Variants in FKBP5 observed in about 807,000 individuals in gnomAD.
FKBP5 encodes the protein FKBP prolyl isomerase 5, also known as peptidyl-prolyl cis-trans isomerase FKBP5.
In FKBP5, 23 loss-of-function variants were observed where a neutral mutation model predicts 50.5. The ratio of observed to expected loss-of-function variants is 0.46; its 90% CI spans 0.33 to 0.65. FKBP5 has a LOEUF of 0.65. Among genes scored for constraint, FKBP5 ranks in the 30% least tolerant of loss-of-function variants. FKBP5 has a pLI of 0.02. For missense variants in FKBP5, 411 were observed against 553.1 expected (o/e 0.74, Z 2.58); for synonymous variants, 176 against 190.6 (o/e 0.92, Z 0.63).
chr6:35,640,036 G>A (rs923405252), intron 2 of FKBP5, among the ~76,000 whole-genome samples: 8 of 152,222 alleles, frequency 5.3e-5, no homozygotes, highest in African/African-American at 1.7e-4. Flanking sequence ...TGCTCTGATT[G>A]TCTCACCACA....
intron 1 of FKBP5, among the ~76,000 whole-genome samples, chr6:35,645,105 A>G (rs755453794): frequency 6.6e-6 from 1 of 152,226 alleles, no homozygotes; most frequent in Non-Finnish European, 1.5e-5. Flanking sequence ...AAAAAGTGCT[A>G]TTACTCTGTC....
At chr6:35,707,184 A>G (rs994816670) in intron 2 of FKBP5, among the ~76,000 whole-genome samples, 3 of 150,736 alleles carry the variant, frequency 2.0e-5, no homozygotes, top group Non-Finnish European at 4.4e-5. Flanking sequence ...AACTACTTTC[A>G]TAATTCAGAT....
At chr6:35,609,860 T>C (rs192749148) in intron 5 of FKBP5, among the ~76,000 whole-genome samples, 96 of 152,334 alleles carry the variant, frequency 6.3e-4, no homozygotes, top group African/African-American at 2.0e-3. Flanking sequence ...GCTTTTTGAC[T>C]TATGAATCTG....
At chr6:35,651,498 T>A (rs919136715) in intron 1 of FKBP5, among the ~76,000 whole-genome samples, 14 of 152,288 alleles carry the variant, frequency 9.2e-5, no homozygotes, top group Non-Finnish European at 1.3e-4. Context: ...AGGCCTGAGC[T>A]CAGGAGAGAA....
At chr6:35,644,861 T>C (rs1409459921) in intron 1 of FKBP5, among the ~76,000 whole-genome samples, 1 of 152,122 alleles carries the variant, frequency 6.6e-6, no homozygotes, top group Non-Finnish European at 1.5e-5. Flanking sequence ...GGAAAATATA[T>C]GCACACAAAA....
At chr6:35,619,308 AAAGCTGTTTTAAAATATATACATTCATTT>A in intron 4 of FKBP5, 98 bp from the exon 5 acceptor site, 1 of 734,534 alleles carries the variant, frequency 1.4e-6, no homozygotes, top group Non-Finnish European at 2.3e-6. Flanking sequence ...TTTACAAAAT[AAAGCTGTTTTAAAATATATACATTCATTT>A]ATGCATCTTA....
intron 1 of FKBP5, among the ~76,000 whole-genome samples, chr6:35,672,475 T>TA (rs1765414678): frequency 6.6e-6 from 1 of 151,994 alleles, no homozygotes; most frequent in Admixed American, 6.6e-5. Context: ...GCTTGCTTTT[T>TA]TTTTTTTTTA....
chr6:35,724,273 G>T (rs1401770555), intron 1 of FKBP5, among the ~76,000 whole-genome samples: 1 of 152,148 alleles, frequency 6.6e-6, no homozygotes, highest in Non-Finnish European at 1.5e-5. Context: ...TTATTCCTGG[G>T]TGAAGGGTGA....
At chr6:35,644,603 T>C (rs1166799709) in intron 1 of FKBP5, among the ~76,000 whole-genome samples, 1 of 152,196 alleles carries the variant, frequency 6.6e-6, no homozygotes, top group African/African-American at 2.4e-5. Flanking sequence ...AAGATCCAAA[T>C]GTTTGGCTCA....
At chr6:35,579,886 A>C in intron 9 of FKBP5, 150 bp downstream of exon 9, 1 of 591,248 alleles carries the variant, frequency 1.7e-6, no homozygotes, top group Non-Finnish European at 2.9e-6. Flanking sequence ...CCCAATTCAT[A>C]CTGAGAAACA....
At chr6:35,623,866 A>G (rs1159626935) in intron 3 of FKBP5, among the ~76,000 whole-genome samples, 1 of 151,638 alleles carries the variant, frequency 6.6e-6, no homozygotes, top group African/African-American at 2.4e-5. Flanking sequence ...ACAGGTGAAT[A>G]CCACCATGAT....
chr6:35,613,790 T>C (rs533109032), intron 5 of FKBP5, among the ~76,000 whole-genome samples: 55 of 152,230 alleles, frequency 3.6e-4, no homozygotes, highest in Non-Finnish European at 7.3e-4. Context: ...GACGGTCTTT[T>C]GAGTGAAAAA....
chr6:35,594,675 C>T (rs545369284), intron 6 of FKBP5, among the ~76,000 whole-genome samples: 4 of 152,066 alleles, frequency 2.6e-5, no homozygotes, highest in Non-Finnish European at 5.9e-5. Flanking sequence ...AGTATGCATA[C>T]GCACACACAT....
chr6:35,612,351 T>C (rs781251929), intron 5 of FKBP5, among the ~76,000 whole-genome samples: 5 of 151,966 alleles, frequency 3.3e-5, no homozygotes, highest in African/African-American at 7.3e-5. Flanking sequence ...AGATGCGCCA[T>C]TGCACTCCAG....
intron 2 of FKBP5, among the ~76,000 whole-genome samples, chr6:35,705,278 T>A (rs1376175335): frequency 4.3e-4 from 8 of 18,630 alleles, no homozygotes; most frequent in African/African-American, 4.1e-3. Flanking sequence ...TTTTTTTTTT[T>A]TTTTTGGAGA....
chr6:35,644,471 T>G (rs2150990190), intron 1 of FKBP5, among the ~76,000 whole-genome samples: 1 of 152,332 alleles, frequency 6.6e-6, no homozygotes, highest in South Asian at 2.1e-4. Context: ...AAATGACCAC[T>G]ATTCAGTTCA....
intron 3 of FKBP5, among the ~76,000 whole-genome samples, chr6:35,632,476 T>C (rs1764189863): frequency 6.6e-6 from 1 of 152,218 alleles, no homozygotes; most frequent in East Asian, 1.9e-4. Flanking sequence ...TGCTAGGCGA[T>C]GGTGTACATT....
At chr6:35,648,388 C>A (rs1274337422) in intron 1 of FKBP5, among the ~76,000 whole-genome samples, 1 of 152,026 alleles carries the variant, frequency 6.6e-6, no homozygotes, top group African/African-American at 2.4e-5. Flanking sequence ...TCCCCTTCAG[C>A]CACCCTAGTA....
At position 35,642,817 on chromosome 6, in the gene FKBP5, G is replaced by A; in HGVS notation, c.8C>T (p.Thr3Ile). Residue 3 changes from threonine (T) to isoleucine (I), a missense_variant, in exon 2 of 11, where the codon ACT (threonine) becomes ATT (isoleucine). This residue lies in a region of FKBP5 where 56 missense variants were observed against 58.2 expected (regional missense o/e 0.96). Coordinates refer to ENST00000357266, the MANE Select transcript of FKBP5 (RefSeq NM_004117.4). MTTDEGAKNNEES... is the reference protein window; with the variant it reads MTIDEGAKNNEES... Reference sequence around the variant, plus strand: ...TTCATTGTTCTTGGCACCTTCATCAGTAGTCATTGTCTTTTAAGTAGAGAA... The same window carrying A: ...TTCATTGTTCTTGGCACCTTCATCAATAGTCATTGTCTTTTAAGTAGAGAA... 6.2e-7 allele frequency: 1 copy of A among 1,613,316 alleles called. No individual in the cohort carries two copies.
Sources: gnomAD v4.1 joint callset for allele counts (sites outside exome capture counted in the v4.1 genomes callset) on GRCh38, gnomAD v4.1.1 for gene constraint, gnomAD v4.1.1 regional missense constraint, MANE v1.5 for transcripts, NCBI Gene and HGNC (gene_info 2026-07-23, HGNC 2026-07-21) for gene names.